The following DAB1 variants were observed in gnomAD, a reference collection of about 807,000 sequenced individuals.
DAB1 encodes DAB adaptor protein 1.
Under a neutral mutation model 64.6 loss-of-function variants are expected in DAB1, and 15 were observed. That is an observed-to-expected ratio of 0.23 (90% CI 0.16 to 0.36). The LOEUF (loss-of-function observed/expected upper bound fraction) is 0.36. DAB1 is among the 10% of genes least tolerant of loss of function. The pLI, the probability that DAB1 is intolerant of heterozygous loss-of-function variation, is 1.00. For synonymous variants in DAB1, 235 were observed against 251.9 expected (o/e 0.93, Z 0.64); for missense variants, 596 against 706.7 (o/e 0.84, Z 1.78).
At chr1:58,409,253 G>T (rs559875105) in intron 3 of DAB1, among the ~76,000 whole-genome samples, 1 of 152,086 alleles carries the variant, frequency 6.6e-6, no homozygotes, top group Non-Finnish European at 1.5e-5. Context: ...CCATTCCAAG[G>T]AGGCATTTAC....
intron 2 of DAB1, among the ~76,000 whole-genome samples, chr1:57,173,202 T>C (rs971328518): frequency 1.3e-5 from 2 of 152,054 alleles, no homozygotes; most frequent in African/African-American, 4.8e-5. Context: ...CAGCAACAGC[T>C]TCCAGTTCAA....
At chr1:57,764,588 T>C (rs1649228129) in intron 6 of DAB1, among the ~76,000 whole-genome samples, 1 of 152,196 alleles carries the variant, frequency 6.6e-6, no homozygotes, top group African/African-American at 2.4e-5. Context: ...CTTGTCCTCC[T>C]ACCCTTCCCA....
At chr1:57,502,318 C>CAAAAAAAAAAAA (rs10649147) in intron 7 of DAB1, among the ~76,000 whole-genome samples, 5 of 94,202 alleles carry the variant, frequency 5.3e-5, no homozygotes, top group Non-Finnish European at 8.4e-5. Flanking sequence ...GAGTCCGTCT[C>CAAAAAAAAAAAA]AAAAAAAAAA....
intron 4 of DAB1, among the ~76,000 whole-genome samples, chr1:58,320,509 A>G (rs1423583706): frequency 3.3e-5 from 5 of 152,246 alleles, no homozygotes; most frequent in Non-Finnish European, 5.9e-5. Context: ...CCAAGTTCAC[A>G]GCATGGTTTA....
Position 57,238,688 on chromosome 1 carries a change from A to C in DAB1, c.67+52276T>G, listed in dbSNP as rs561477648. Among the ~76,000 whole-genome samples, 5 of 152,310 alleles carry C rather than the reference A, an allele frequency of 3.3e-5. No individual in the cohort carries two copies. In the East Asian group the frequency reaches 9.7e-4, roughly 29 times the overall value. ...TAATCCCTTCCTCCAGGGCATCTGC[A>C]CTTCACTGTCAGTTAAAGCTCTAGG... On this transcript the variant is annotated intron_variant, in intron 2 of 14. Coordinates refer to ENST00000371236, the MANE Select transcript of DAB1 (RefSeq NM_001365792.1).
chr1:58,353,133 T>C (rs1644074879), intron 3 of DAB1, among the ~76,000 whole-genome samples: 3 of 152,154 alleles, frequency 2.0e-5, no homozygotes, highest in South Asian at 2.1e-4. Flanking sequence ...TCCCCTTCTT[T>C]ATTTGTGTCC....
At chr1:58,180,267 C>CTTT (rs1194922772) in intron 4 of DAB1, among the ~76,000 whole-genome samples, 1 of 72,636 alleles carries the variant, frequency 1.4e-5, no homozygotes, top group Admixed American at 1.5e-4. Context: ...TTTCTTTTTT[C>CTTT]TTTTTTTTCT....
In DAB1 at chr1:58,092,675, G is replaced by C. The variant is rs985959781; in HGVS notation, n.387+57836C>G. ...AACTAAAATAAACAAATCACTCCAT[G>C]ATCTGGGGAGGGCTCCTTGCTTGAA... is the stretch of plus-strand genomic sequence containing the variant. On this transcript the variant is annotated intron_variant and non_coding_transcript_variant, in intron 5 of 20. Transcript: ENST00000485760. 2.6e-5 allele frequency among the ~76,000 whole-genome samples: 4 copies of C among 152,168 alleles called. No individual in the cohort carries two copies. In the East Asian group the frequency reaches 7.7e-4, roughly 29 times the overall value.
intron 1 of DAB1, among the ~76,000 whole-genome samples, chr1:57,371,696 C>T (rs1033443809): frequency 1.3e-5 from 2 of 152,168 alleles, no homozygotes; most frequent in Non-Finnish European, 2.9e-5. Flanking sequence ...CTCAGGTTTG[C>T]ATCTACATCT....
At chr1:57,863,659 T>A (rs1403500685) in intron 1 of DAB1, among the ~76,000 whole-genome samples, 1 of 152,112 alleles carries the variant, frequency 6.6e-6, no homozygotes, top group African/African-American at 2.4e-5. Flanking sequence ...GCTACGGATC[T>A]CATGTCTCAG....
intron 5 of DAB1, among the ~76,000 whole-genome samples, chr1:58,117,969 A>G (rs1373001763): frequency 6.6e-6 from 1 of 151,832 alleles, no homozygotes; most frequent in African/African-American, 2.4e-5. Context: ...CAGTGGTGCA[A>G]TCATGGCTCA....
At chr1:57,399,077 T>C (rs1158405636) in intron 1 of DAB1, among the ~76,000 whole-genome samples, 1 of 151,992 alleles carries the variant, frequency 6.6e-6, no homozygotes, top group East Asian at 1.9e-4. Flanking sequence ...GATGTTTGCA[T>C]AAGCCAGAGT....
chr1:57,799,052 G>A (rs1651002985), intron 6 of DAB1, among the ~76,000 whole-genome samples: 1 of 152,128 alleles, frequency 6.6e-6, no homozygotes, highest in African/African-American at 2.4e-5. Flanking sequence ...TTCAAGTCCT[G>A]GCTCTGTTAA....
intron 3 of DAB1, among the ~76,000 whole-genome samples, chr1:58,351,909 A>G (rs1644062412): frequency 6.8e-6 from 1 of 148,000 alleles, no homozygotes; most frequent in South Asian, 2.3e-4. Flanking sequence ...GTAACCTCAG[A>G]GTTGATATTT....
chr1:57,145,455 A>T (rs766029130), intron 2 of DAB1, 26 bp from the exon 3 acceptor site: 3 of 1,613,568 alleles, frequency 1.9e-6, no homozygotes, highest in Non-Finnish European at 2.5e-6. Context: ...GCAGATTCAA[A>T]TATGTAGCTG....
chr1:58,303,203 C>T (rs1372338338), intron 4 of DAB1, among the ~76,000 whole-genome samples: 3 of 152,136 alleles, frequency 2.0e-5, no homozygotes, highest in Admixed American at 6.6e-5. Context: ...GTTCCAGTTC[C>T]AGCTGGAAGG....
chr1:58,459,278 G>A (rs1332016547), intron 3 of DAB1, among the ~76,000 whole-genome samples: 1 of 152,226 alleles, frequency 6.6e-6, no homozygotes, highest in Non-Finnish European at 1.5e-5. Flanking sequence ...TGTTTCCGAG[G>A]TTCAGAAATT....
rs17114881 is a variant in DAB1 at position 57,052,413 on chromosome 1, A to C, written c.723+10471T>G. Among the ~76,000 whole-genome samples the C allele has an allele frequency of 9.0e-3, 1,372 of 152,290 alleles. 24 individuals are homozygous for C. Among genetic ancestry groups the C allele is most frequent in the African/African-American group, 0.031 (1,308 of 41,534 alleles). ...TAGCCCTGATTTCAAGCTCTCAGAAAGAAACTAAGGAGAAACAGATTTTCT... is the reference window on the plus strand; with the variant it reads ...TAGCCCTGATTTCAAGCTCTCAGAACGAAACTAAGGAGAAACAGATTTTCT... On this transcript the variant is annotated intron_variant, in intron 9 of 14. Coordinates refer to ENST00000371236, the MANE Select transcript of DAB1 (RefSeq NM_001365792.1).
rs543859474 is a variant in DAB1, at chr1:57,732,207, T to C, written n.552-82542A>G. On this transcript the variant is annotated intron_variant and non_coding_transcript_variant, in intron 6 of 20. Transcript: ENST00000485760. Reference sequence around the variant, plus strand: ...GGTATCATGCAGGTCAGGTTAGTTTTTGGCCCTCCATGGCCTCACCTGGAA... The same window carrying C: ...GGTATCATGCAGGTCAGGTTAGTTTCTGGCCCTCCATGGCCTCACCTGGAA... Among the ~76,000 whole-genome samples, 3 of 152,308 alleles carry C rather than the reference T, an allele frequency of 2.0e-5. No homozygotes were observed. The South Asian group carries it at 6.2e-4, about 32-fold the overall frequency.
Sources: gnomAD v4.1 joint callset for allele counts (sites outside exome capture counted in the v4.1 genomes callset) on GRCh38, gnomAD v4.1.1 for gene constraint, MANE v1.5 for transcripts, NCBI Gene and HGNC (gene_info 2026-07-23, HGNC 2026-07-21) for gene names.